The following PTPA variants were observed in gnomAD, a reference collection of about 807,000 sequenced individuals.
The protein encoded by PTPA is serine/threonine-protein phosphatase 2A activator.
PTPA carries 13 observed loss-of-function variants against 43.6 expected under a neutral mutation model. The observed-to-expected ratio is 0.30, with a 90% CI of 0.19 to 0.47. The LOEUF is 0.47. Ranked by LOEUF, PTPA falls within the 20% of genes least tolerant of loss-of-function variation. PTPA has a pLI of 0.99. For synonymous variants in PTPA, 172 were observed against 158.2 expected, an observed-to-expected ratio of 1.09 and a Z score of -0.66; for missense variants, 329 against 411.9, an observed-to-expected ratio of 0.80 and a Z score of 1.74.
chr9:129,112,934 T>G (rs566438972), intron 1 of PTPA, among the ~76,000 whole-genome samples: 1 of 62,690 alleles, frequency 1.6e-5, no homozygotes, highest in African/African-American at 6.3e-5. Flanking sequence ...AGAGTGAAAC[T>G]CCGTCACCCC....
intron 9 of PTPA, chr9:129,142,898 T>A (rs2254230): frequency 6.7e-7 from 1 of 1,489,542 alleles, no homozygotes; most frequent in Non-Finnish European, 8.9e-7. Flanking sequence ...TCGGGCAGTC[T>A]GAGTCTGGCT....
At chr9:129,134,679 C>T in intron 5 of PTPA, 116 bp from the exon 6 acceptor site, 1 of 752,038 alleles carries the variant, frequency 1.3e-6, no homozygotes, top group South Asian at 1.8e-5. Flanking sequence ...TCATTGTCTC[C>T]ATGTTGACCA....
At chr9:129,145,183 T>G (rs1022393087) in intron 9 of PTPA, among the ~76,000 whole-genome samples, 1 of 151,872 alleles carries the variant, frequency 6.6e-6, no homozygotes, top group African/African-American at 2.4e-5. Flanking sequence ...ATACAAAAAT[T>G]AGCCTGGCAT....
chr9:129,140,745 G>T (rs1326675989), intron 8 of PTPA, among the ~76,000 whole-genome samples: 1 of 149,286 alleles, frequency 6.7e-6, no homozygotes, highest in Non-Finnish European at 1.5e-5. Flanking sequence ...GCTTTCCTGG[G>T]CCTGGAAGTG....
At chr9:129,126,061 T>C (rs967359274) in intron 3 of PTPA, among the ~76,000 whole-genome samples, 3 of 151,570 alleles carry the variant, frequency 2.0e-5, no homozygotes, top group Non-Finnish European at 4.4e-5. Context: ...GTCAGGAGAA[T>C]CCTTTGAAAC....
At chr9:129,147,179 C>CTT (rs1014394257) in intron 9 of PTPA, among the ~76,000 whole-genome samples, 15 of 151,134 alleles carry the variant, frequency 9.9e-5, no homozygotes, top group Non-Finnish European at 2.1e-4. Context: ...GCTGCCTTTT[C>CTT]TCTTTCTCTC....
intron 6 of PTPA, among the ~76,000 whole-genome samples, chr9:129,135,195 C>T (rs545063581): frequency 3.3e-5 from 5 of 152,290 alleles, no homozygotes; most frequent in East Asian, 1.9e-4. Flanking sequence ...GTGTTCGACA[C>T]CAGCCTGGCC....
At chr9:129,135,123 G>A (rs974450672) in intron 6 of PTPA, among the ~76,000 whole-genome samples, 5 of 152,206 alleles carry the variant, frequency 3.3e-5, no homozygotes, top group African/African-American at 1.2e-4. Context: ...GGCCGGGCGC[G>A]GTGGCTCACG....
chr9:129,136,178 A>G (rs1850354155), intron 6 of PTPA, among the ~76,000 whole-genome samples: 1 of 152,152 alleles, frequency 6.6e-6, no homozygotes, highest in Non-Finnish European at 1.5e-5. Flanking sequence ...CGTGTTGGCC[A>G]GGATGGTCTC....
At chr9:129,134,324 T>TTTG (rs1554733072) in intron 5 of PTPA, among the ~76,000 whole-genome samples, 4 of 96,350 alleles carry the variant, frequency 4.2e-5, no homozygotes, top group Admixed American at 1.1e-4. Flanking sequence ...TTTTTTTTTT[T>TTTG]GAGACAGTCT....
At chr9:129,146,360 G>C (rs1057508308) in intron 9 of PTPA, among the ~76,000 whole-genome samples, 14 of 152,116 alleles carry the variant, frequency 9.2e-5, no homozygotes, top group African/African-American at 2.7e-4. Context: ...TCGTCACCCT[G>C]GTGCTTCTCC....
At chr9:129,134,042 GTCTT>G (rs1186700330) in intron 5 of PTPA, among the ~76,000 whole-genome samples, 4 of 152,178 alleles carry the variant, frequency 2.6e-5, no homozygotes, top group Non-Finnish European at 5.9e-5. Flanking sequence ...TTAGTACCCT[GTCTT>G]TCTCCTTCAG....
At chr9:129,143,576 T>C (rs1851061048) in intron 9 of PTPA, 2 of 637,152 alleles carry the variant, frequency 3.1e-6, no homozygotes, top group African/African-American at 1.8e-5. Context: ...ATGCTTCCAG[T>C]TGGCTTGGCT....
At chr9:129,128,721 T>C (rs1849750438) in intron 3 of PTPA, among the ~76,000 whole-genome samples, 1 of 152,150 alleles carries the variant, frequency 6.6e-6, no homozygotes, top group Admixed American at 6.5e-5. Context: ...CAGCAGCCCA[T>C]GGGTAGGCTG....
intron 3 of PTPA, among the ~76,000 whole-genome samples, chr9:129,123,805 T>C (rs565828223): frequency 6.6e-6 from 1 of 152,180 alleles, no homozygotes; most frequent in East Asian, 1.9e-4. Context: ...TGCCTCAGCC[T>C]CCTGAGTAGC....
chr9:129,136,877 T>C (rs1850407769), intron 7 of PTPA, among the ~76,000 whole-genome samples: 1 of 152,090 alleles, frequency 6.6e-6, no homozygotes, highest in African/African-American at 2.4e-5. Context: ...TGGTGCATAA[T>C]GGACTGGTGT....
chr9:129,136,795 G>A (rs1850402554), intron 7 of PTPA, among the ~76,000 whole-genome samples, 200 bp downstream of exon 7: 1 of 152,264 alleles, frequency 6.6e-6, no homozygotes, highest in Admixed American at 6.5e-5. Flanking sequence ...CGTGTGGTGG[G>A]CTGGAGGAGG....
intron 8 of PTPA, among the ~76,000 whole-genome samples, chr9:129,140,709 T>C (rs1206770211): frequency 6.6e-6 from 1 of 150,616 alleles, no homozygotes; most frequent in Non-Finnish European, 1.5e-5. Flanking sequence ...AGAGTGAAAC[T>C]GGTTACACAG....
At chr9:129,128,960 G>T in intron 3 of PTPA, 25 bp from the exon 4 acceptor site, 1 of 1,612,504 alleles carries the variant, frequency 6.2e-7, no homozygotes, top group African/African-American at 1.3e-5. Flanking sequence ...TCTGTAGCTT[G>T]GACCCCTCTA....
Sources: gnomAD v4.1 joint callset for allele counts (sites outside exome capture counted in the v4.1 genomes callset) on GRCh38, gnomAD v4.1.1 for gene constraint, MANE v1.5 for transcripts, NCBI Gene and HGNC (gene_info 2026-07-23, HGNC 2026-07-21) for gene names.